PMS1: variants seen among roughly 807,000 people sequenced by gnomAD.
PMS1 encodes PMS1 homolog 1, mismatch repair system component.
In PMS1, 79 loss-of-function variants were observed where a neutral mutation model predicts 93.1. That is an observed-to-expected ratio of 0.85 (90% CI 0.71 to 1.02). PMS1 has a LOEUF of 1.02. Ranked by LOEUF, PMS1 falls within the 50% of genes least tolerant of loss-of-function variation. The pLI is 0.00. For synonymous variants in PMS1, 335 were observed against 363.4 expected, an observed-to-expected ratio of 0.92 and a Z score of 0.89; for missense variants, 1,064 against 1,085.3, an observed-to-expected ratio of 0.98 and a Z score of 0.28.
At chr2:189,856,531 GC>G (rs1468945569) in intron 9 of PMS1, among the ~76,000 whole-genome samples, 1 of 152,030 alleles carries the variant, frequency 6.6e-6, no homozygotes, top group Non-Finnish European at 1.5e-5. Flanking sequence ...GAATTATGAT[GC>G]AAATAAGGTT....
intron 1 of PMS1, among the ~76,000 whole-genome samples, chr2:189,786,983 G>A (rs1207760972): frequency 6.6e-6 from 1 of 152,170 alleles, no homozygotes; most frequent in African/African-American, 2.4e-5. Flanking sequence ...AACCCGGGAG[G>A]TGGAGGCTGC....
At chr2:189,843,703 C>G (rs995598710) in intron 5 of PMS1, among the ~76,000 whole-genome samples, 3 of 152,122 alleles carry the variant, frequency 2.0e-5, no homozygotes. Context: ...TTTTATCTTC[C>G]AACAACTCTG....
At chr2:189,807,588 G>A (rs574059623) in intron 4 of PMS1, among the ~76,000 whole-genome samples, 2 of 152,236 alleles carry the variant, frequency 1.3e-5, no homozygotes. Context: ...ATGGCCAATG[G>A]CTTTGCATCA....
chr2:189,872,016 T>G (rs1280789439), intron 11 of PMS1, among the ~76,000 whole-genome samples: 2 of 152,020 alleles, frequency 1.3e-5, no homozygotes, highest in African/African-American at 2.4e-5. Context: ...CCTCACTCAT[T>G]ACCATGGGGA....
chr2:189,855,542 TC>T (rs2055225627), intron 9 of PMS1, among the ~76,000 whole-genome samples: 1 of 151,914 alleles, frequency 6.6e-6, no homozygotes, highest in African/African-American at 2.4e-5. Flanking sequence ...TCTTAACTAT[TC>T]CCTTTCTTAA....
rs2053149874 is a variant in PMS1 at position 189,833,682 on chromosome 2, T to TA, written c.583-10281dup. 2.6e-5 allele frequency among the ~76,000 whole-genome samples: 4 copies of TA among 152,326 alleles called. No homozygotes were observed. In the South Asian group the frequency reaches 6.2e-4, roughly 24 times the overall value. On this transcript the variant is annotated intron_variant, in intron 5 of 12. Transcript: ENST00000441310. The stretch of plus-strand genomic sequence containing the variant: ...GGCTTTGCTTATAAACTTTAAATGT[T>TA]ATAATGATATGATTATTTTTAAAAA...
At chr2:189,875,955 CAA>C (rs561168809) in intron 12 of PMS1, among the ~76,000 whole-genome samples, 3 of 46,180 alleles carry the variant, frequency 6.5e-5, no homozygotes, top group Non-Finnish European at 1.3e-4. Flanking sequence ...GACTCTGTCT[CAA>C]AAAAAAAAAA....
intron 4 of PMS1, chr2:189,806,955 T>C (rs1477077852): frequency 4.8e-6 from 1 of 206,550 alleles, no homozygotes; most frequent in Non-Finnish European, 9.9e-6. Flanking sequence ...TGTTTAATTT[T>C]GTGTTCCCTC....
intron 9 of PMS1, among the ~76,000 whole-genome samples, chr2:189,861,543 A>C (rs2056001181): frequency 6.6e-6 from 1 of 152,058 alleles, no homozygotes; most frequent in Admixed American, 6.5e-5. Context: ...TGAAGTCAGA[A>C]GTTTGAGACC....
At chr2:189,833,792 A>G (rs5743082) in intron 5 of PMS1, among the ~76,000 whole-genome samples, 3,293 of 152,258 alleles carry the variant, frequency 0.022, 68 homozygotes, top group Middle Eastern at 0.054. Flanking sequence ...GATGAGAATA[A>G]TTCTTAATTA....
chr2:189,792,061 A>G, intron 2 of PMS1, 120 bp downstream of exon 2: 1 of 834,996 alleles, frequency 1.2e-6, no homozygotes. Context: ...TTCTTAGGAC[A>G]TTGGACCCTT....
rs765723624 is a variant in PMS1, at chr2:189,854,598, T to G, written c.1326T>G (p.Ser442Arg). The G allele has an allele frequency of 6.2e-7, 1 of 1,613,276 alleles. No individual in the cohort carries two copies. Among genetic ancestry groups the G allele is most frequent in the Admixed American group, 1.7e-5 (1 of 59,988 alleles). ...ATGCATTTCAGGACATTTCAATGAGTAATGTATCATGGGAGAACTCTCAGA... is the reference window on the plus strand; with the variant it reads ...ATGCATTTCAGGACATTTCAATGAGGAATGTATCATGGGAGAACTCTCAGA... ...TKNAFQDISM[S>R]NVSWENSQTE... The change falls in exon 9 of 13, where the codon AGT (serine) becomes AGG (arginine). Residue 442 changes from serine (S) to arginine (R), a missense_variant. Transcript: ENST00000441310.
At chr2:189,833,118 T>C (rs2053099436) in intron 5 of PMS1, among the ~76,000 whole-genome samples, 1 of 152,204 alleles carries the variant, frequency 6.6e-6, no homozygotes, top group South Asian at 2.1e-4. Context: ...TTAACTTCTT[T>C]TTCTTCTTCC....
intron 5 of PMS1, among the ~76,000 whole-genome samples, chr2:189,831,057 C>A (rs752666452): frequency 6.6e-6 from 1 of 152,154 alleles, no homozygotes. Context: ...AATTTTGTTA[C>A]AGCAGAATTT....
At chr2:189,876,597 A>G (rs2057586351) in intron 12 of PMS1, among the ~76,000 whole-genome samples, 1 of 151,628 alleles carries the variant, frequency 6.6e-6, no homozygotes, top group Admixed American at 6.6e-5. Context: ...CTTTCCATTA[A>G]GGTTTCTTAT....
chr2:189,820,896 T>G (rs1354554616), intron 5 of PMS1, among the ~76,000 whole-genome samples: 1 of 152,170 alleles, frequency 6.6e-6, no homozygotes, highest in African/African-American at 2.4e-5. Flanking sequence ...AATAGCAACC[T>G]GTTCTTGTTG....
intron 5 of PMS1, among the ~76,000 whole-genome samples, chr2:189,833,805 C>A (rs2053162105): frequency 2.0e-5 from 3 of 152,132 alleles, no homozygotes; most frequent in African/African-American, 7.2e-5. Context: ...CTTAATTAAT[C>A]TTTTTTCCTT....
intron 12 of PMS1, among the ~76,000 whole-genome samples, chr2:189,875,500 C>T (rs929151945): frequency 6.6e-6 from 1 of 151,930 alleles, no homozygotes; most frequent in African/African-American, 2.4e-5. Context: ...CAGTGTTGTT[C>T]AAGGGTCTGC....
intron 5 of PMS1, among the ~76,000 whole-genome samples, chr2:189,836,429 CAT>C (rs1230832672): frequency 2.6e-5 from 4 of 152,152 alleles, no homozygotes; most frequent in Admixed American, 6.5e-5. Context: ...ATTTTTAGCA[CAT>C]GTTAAGCTTT....
Sources: gnomAD v4.1 joint callset for allele counts (sites outside exome capture counted in the v4.1 genomes callset) on GRCh38, gnomAD v4.1.1 for gene constraint, MANE v1.5 for transcripts, NCBI Gene and HGNC (gene_info 2026-07-23, HGNC 2026-07-21) for gene names.